The following ELP3 variants were observed in gnomAD, a reference collection of about 807,000 sequenced individuals.
The protein encoded by ELP3 is elongator complex protein 3.
A neutral mutation model predicts 74.9 loss-of-function variants in ELP3; 56 were observed. The observed-to-expected ratio is 0.75, with a 90% confidence interval of 0.60 to 0.93. ELP3 has a LOEUF of 0.93. Among genes scored for constraint, ELP3 ranks in the 40% least tolerant of loss-of-function variants. ELP3 has a pLI of 0.00. For synonymous variants in ELP3, 222 were observed against 239.8 expected (o/e 0.93, Z 0.68); for missense variants, 573 against 686.5 (o/e 0.83, Z 1.85).
At chr8:28,183,124 G>C (rs1275989733) in intron 14 of ELP3, 6 of 456,030 alleles carry the variant, frequency 1.3e-5, no homozygotes, top group Non-Finnish European at 2.6e-5. Context: ...TGCAGTGGAA[G>C]TCATTTTAAT....
chr8:28,097,459 T>TA, intron 2 of ELP3, 141 bp downstream of exon 2: 1 of 561,182 alleles, frequency 1.8e-6, no homozygotes. Context: ...GTCATTCATT[T>TA]CTTTTTTTTT....
rs1406578725 is a variant in ELP3 at position 28,110,420 on chromosome 8, A to C, written c.444A>C (p.Thr148=). 1 of 1,613,714 alleles carries C rather than the reference A, an allele frequency of 6.2e-7. No individual in the cohort carries two copies. The highest frequency in any genetic ancestry group is 1.1e-5 in the South Asian group (1 of 90,962). The change falls in exon 6 of 15, where the codon ACA becomes ACC. Residue 148 remains threonine, a synonymous_variant. Transcript: ENST00000256398. The stretch of plus-strand genomic sequence containing the variant: ...CCAGATATGACCCTTTCCTACAGAC[A>C]AGACACCGAATAGAACAGGTACATT... ...IRARYDPFLQ[T]RHRIEQLKQL... is the part of the protein sequence containing the mutation.
chr8:28,095,567 A>G (rs1811219587), intron 1 of ELP3, among the ~76,000 whole-genome samples: 1 of 152,228 alleles, frequency 6.6e-6, no homozygotes, highest in South Asian at 2.1e-4. Context: ...GCCTTTGAGT[A>G]TAGATGGACT....
At chr8:28,103,543 G>C (rs1223155577) in intron 3 of ELP3, among the ~76,000 whole-genome samples, 1 of 152,122 alleles carries the variant, frequency 6.6e-6, no homozygotes, top group African/African-American at 2.4e-5. Context: ...TACATTTTCA[G>C]CTTACTTGAG....
At chr8:28,100,394 G>T (rs927226371) in intron 3 of ELP3, among the ~76,000 whole-genome samples, 5 of 152,230 alleles carry the variant, frequency 3.3e-5, no homozygotes, top group African/African-American at 7.2e-5. Flanking sequence ...AAAGGGGCTG[G>T]GGAAGGCCCA....
intron 7 of ELP3, among the ~76,000 whole-genome samples, chr8:28,119,572 T>TTATATATATA (rs72105276): frequency 2.1e-5 from 1 of 46,756 alleles, no homozygotes; most frequent in African/African-American, 6.3e-5. Context: ...TTGTGGCGTT[T>TTATATATATA]TATATATATA....
chr8:28,125,759 CTTTTTTTT>C (rs755484214), intron 7 of ELP3, among the ~76,000 whole-genome samples: 39 of 92,196 alleles, frequency 4.2e-4, no homozygotes, highest in East Asian at 2.0e-3. Context: ...AGTCATTTCT[CTTTTTTTT>C]TTTTTTTTTT....
At chr8:28,122,660 G>T (rs948396205) in intron 7 of ELP3, among the ~76,000 whole-genome samples, 20 of 152,094 alleles carry the variant, frequency 1.3e-4, no homozygotes, top group African/African-American at 4.8e-4. Context: ...CTCATCATCT[G>T]TGTTTTCTCT....
intron 10 of ELP3, among the ~76,000 whole-genome samples, chr8:28,149,444 G>T (rs764447079): frequency 1.3e-5 from 2 of 152,104 alleles, no homozygotes; most frequent in Non-Finnish European, 2.9e-5. Flanking sequence ...TTTCATCTAG[G>T]TTATCAAATT....
At chr8:28,153,023 T>C (rs754906110) in intron 10 of ELP3, among the ~76,000 whole-genome samples, 1 of 152,240 alleles carries the variant, frequency 6.6e-6, no homozygotes, top group Non-Finnish European at 1.5e-5. Context: ...TAAATGATTT[T>C]TAATGTGTAG....
intron 7 of ELP3, among the ~76,000 whole-genome samples, chr8:28,119,550 G>A (rs1203162346): frequency 8.7e-6 from 1 of 114,552 alleles, no homozygotes; most frequent in Admixed American, 1.0e-4. Context: ...TTTACATACA[G>A]TACAAAACAA....
intron 14 of ELP3, among the ~76,000 whole-genome samples, chr8:28,187,898 T>C (rs891723320): frequency 2.0e-5 from 3 of 152,072 alleles, no homozygotes; most frequent in African/African-American, 7.2e-5. Context: ...GATTTAGGGG[T>C]TGCCAGTGTA....
chr8:28,155,496 A>G (rs969245071), intron 10 of ELP3, among the ~76,000 whole-genome samples: 2 of 152,250 alleles, frequency 1.3e-5, no homozygotes. Flanking sequence ...GTTGTTGGCT[A>G]AGGCAGGCGT....
At chr8:28,182,351 G>A (rs1815048128) in intron 14 of ELP3, among the ~76,000 whole-genome samples, 2 of 152,178 alleles carry the variant, frequency 1.3e-5, no homozygotes, top group South Asian at 4.1e-4. Context: ...CCTGAGGTCA[G>A]GAGTTCGAGA....
chr8:28,138,053 T>C (rs1378874252), intron 10 of ELP3, among the ~76,000 whole-genome samples, 162 bp downstream of exon 10: 1 of 152,214 alleles, frequency 6.6e-6, no homozygotes, highest in Non-Finnish European at 1.5e-5. Context: ...AATCATAGCA[T>C]GTCTAAGCCA....
At chr8:28,135,830 A>G (rs1812965875) in intron 9 of ELP3, among the ~76,000 whole-genome samples, 1 of 152,126 alleles carries the variant, frequency 6.6e-6, no homozygotes, top group Non-Finnish European at 1.5e-5. Context: ...TTTACTTGCA[A>G]AGTCATTCAC....
intron 14 of ELP3, among the ~76,000 whole-genome samples, chr8:28,181,534 A>G (rs1391074539): frequency 6.6e-6 from 1 of 152,240 alleles, no homozygotes; most frequent in Non-Finnish European, 1.5e-5. Context: ...TGTTTGTTTC[A>G]TCTAATGAGT....
chr8:28,172,113 ATTGTTTTT>A (rs1277177277), intron 14 of ELP3, among the ~76,000 whole-genome samples: 1 of 151,994 alleles, frequency 6.6e-6, no homozygotes, highest in Non-Finnish European at 1.5e-5. Flanking sequence ...CTTTTTCAAG[ATTGTTTTT>A]GGCGATCCCG....
intron 5 of ELP3, among the ~76,000 whole-genome samples, chr8:28,108,872 T>G (rs989568434): frequency 6.6e-6 from 1 of 152,088 alleles, no homozygotes; most frequent in Non-Finnish European, 1.5e-5. Flanking sequence ...GCAGCTGAGA[T>G]GGTTTAGCTG....
Sources: allele counts gnomAD v4.1 joint callset (sites outside exome capture counted in the v4.1 genomes callset), GRCh38; gene constraint gnomAD v4.1.1; transcripts MANE v1.5; gene names NCBI Gene and HGNC (gene_info 2026-07-23, HGNC 2026-07-21).